Variants in MOGAT2 observed in about 807,000 individuals in gnomAD.
MOGAT2 encodes 2-acylglycerol O-acyltransferase 2.
MOGAT2 carries 27 observed loss-of-function variants against 31.5 expected under a neutral mutation model. The ratio of observed to expected loss-of-function variants is 0.86; its 90% CI spans 0.63 to 1.18. The LOEUF is 1.18. Ranked by LOEUF, MOGAT2 falls within the 50% of genes most tolerant of loss-of-function variation. MOGAT2 has a pLI of 0.00. For synonymous variants in MOGAT2, 163 were observed against 170.0 expected (o/e 0.96, Z 0.32); for missense variants, 436 against 433.2 (o/e 1.01, Z -0.06).
chr11:75,719,591 G>T, intron 1 of MOGAT2: 1 of 172,416 alleles, frequency 5.8e-6, no homozygotes, highest in Non-Finnish European at 1.2e-5. Flanking sequence ...GTCTCCCTTT[G>T]CTCTGAGATC....
rs1452409210 is a variant in MOGAT2 at position 75,731,878 on chromosome 11, T to C, written c.*592T>C. The C allele has an allele frequency of 6.6e-6, 1 of 152,554 alleles. No homozygotes were observed. Among genetic ancestry groups the C allele is most frequent in the African/African-American group, 2.4e-5 (1 of 41,460 alleles). 9.5% of individuals were successfully genotyped at this position (152,554 alleles called of 1,614,324 possible). On this transcript the variant is annotated 3_prime_UTR_variant, in exon 6 of 6. Coordinates refer to ENST00000198801, the MANE Select transcript of MOGAT2 (RefSeq NM_025098.4). ...CACCCTGGAATTCCCTGTGTGACCA[T>C]GGTACCACCACTGTGTGTCCCGAGG...
rs376470702 is a variant in MOGAT2 at position 75,731,097 on chromosome 11, T to A, written c.851-35T>A. 4.6e-4 allele frequency: 732 copies of A among 1,593,014 alleles called. 1 individual carries two copies. The highest frequency in any genetic ancestry group is 5.8e-4 in the Non-Finnish European group (678 of 1,167,676). ...GCACCTGCACCGAGGGTCCCTTGCC[T>A]ACCCTAGGCCACTGCACACCTCTAT... On this transcript the variant is annotated intron_variant, in intron 5 of 5. Transcript: ENST00000198801.
At chr11:75,725,708 G>C (rs892221406) in intron 2 of MOGAT2, among the ~76,000 whole-genome samples, 15 of 152,202 alleles carry the variant, frequency 9.9e-5, no homozygotes, top group Non-Finnish European at 2.1e-4. Context: ...GGCCTCTGCT[G>C]CTCCCCAACA....
chr11:75,725,447 C>A (rs1207896720), intron 2 of MOGAT2, among the ~76,000 whole-genome samples: 1 of 152,034 alleles, frequency 6.6e-6, no homozygotes, highest in East Asian at 1.9e-4. Flanking sequence ...GTTTGGGAGG[C>A]TGAGGCATAA....
intron 1 of MOGAT2, 113 bp from the exon 2 acceptor site, chr11:75,719,879 T>C (rs919170435): frequency 1.8e-5 from 19 of 1,039,094 alleles, no homozygotes; most frequent in Non-Finnish European, 2.7e-5. Flanking sequence ...GGCCCGAGGA[T>C]TGGACAGGAC....
At chr11:75,719,479 G>A (rs1400322140) in intron 1 of MOGAT2, 4 of 155,138 alleles carry the variant, frequency 2.6e-5, no homozygotes, top group South Asian at 2.0e-4. Context: ...TGTGCCCAAA[G>A]TTATGGGGAA....
At position 75,717,912 on chromosome 11, in the gene MOGAT2, T is replaced by C; in HGVS notation, c.24T>C (p.Phe8=). ...GCATGGTAGAGTTCGCGCCCTTGTT[T>C]ATGCCGTGGGAGCGCAGGCTGCAGA... MVEFAPL[F]MPWERRLQTL... is the part of the protein sequence containing the mutation. Residue 8 remains phenylalanine, a synonymous_variant, in exon 1 of 6, where the codon TTT becomes TTC. Coordinates refer to ENST00000198801, the MANE Select transcript of MOGAT2 (RefSeq NM_025098.4). The C allele has an allele frequency of 6.2e-7, 1 of 1,614,190 alleles. No individual in the cohort carries two copies. Among genetic ancestry groups the C allele is most frequent in the South Asian group, 1.1e-5 (1 of 91,084 alleles).
Position 75,727,569 on chromosome 11 carries a change from C to T in MOGAT2, c.405C>T (p.Ile135=). Residue 135 remains isoleucine, a synonymous_variant, in exon 3 of 6, where the codon ATC becomes ATT. Transcript: ENST00000198801. ...STGFSSIFPG[I]RPHLMMLTLW... is the part of the protein sequence containing the mutation. Reference sequence around the variant, plus strand: ...GCTTCTCTTCGATCTTCCCCGGTATCCGCCCCCATCTGATGATGCTGACCT... The same window carrying T: ...GCTTCTCTTCGATCTTCCCCGGTATTCGCCCCCATCTGATGATGCTGACCT... 6.2e-7 allele frequency: 1 copy of T among 1,614,186 alleles called. No homozygotes were observed. Among genetic ancestry groups the T allele is most frequent in the Non-Finnish European group, 8.5e-7 (1 of 1,180,026 alleles).
chr11:75,728,085 A>G lies in MOGAT2; in HGVS notation c.591A>G (p.Gly197=). The G allele has an allele frequency of 6.2e-7, 1 of 1,614,106 alleles. No homozygotes were observed. Among genetic ancestry groups the G allele is most frequent in the Non-Finnish European group, 8.5e-7 (1 of 1,180,030 alleles). Reference sequence around the variant, plus strand: ...AGGAGGCCCTGGATGCCAGGCCTGGATCCTTCACGCTGTTACTGCGGAACC... The same window carrying G: ...AGGAGGCCCTGGATGCCAGGCCTGGGTCCTTCACGCTGTTACTGCGGAACC... ...GAQEALDARP[G]SFTLLLRNRK... The change falls in exon 4 of 6, where the codon GGA becomes GGG. Residue 197 remains glycine, a synonymous_variant. Transcript: ENST00000198801.
At chr11:75,730,059 T>C (rs561889892) in intron 5 of MOGAT2, among the ~76,000 whole-genome samples, 2 of 152,306 alleles carry the variant, frequency 1.3e-5, no homozygotes, top group African/African-American at 4.8e-5. Flanking sequence ...ACAGACTTTA[T>C]AGAGAGTAGT....
Position 75,732,542 on chromosome 11 carries a change from C to A in MOGAT2, c.*1256C>A, listed in dbSNP as rs1944492187. 2 of 152,350 alleles carry A rather than the reference C, an allele frequency of 1.3e-5. No homozygotes were observed. Among genetic ancestry groups the A allele is most frequent in the Admixed American group, 1.3e-4 (2 of 15,276 alleles). 9.4% of individuals were successfully genotyped at this position (152,350 alleles called of 1,614,324 possible). A position where few individuals can be genotyped will look rare whatever the true frequency, so the allele number is the denominator to read the frequency against. Reference sequence around the variant, plus strand: ...CTCTCCAGCATCTGGCCCAGCCTGTCCATCCTCATCTCTCTTCCTCCCTTA... The same window carrying A: ...CTCTCCAGCATCTGGCCCAGCCTGTACATCCTCATCTCTCTTCCTCCCTTA... On this transcript the variant is annotated 3_prime_UTR_variant, in exon 6 of 6. Transcript: ENST00000198801.
chr11:75,729,836 C>T (rs200731621), intron 5 of MOGAT2, among the ~76,000 whole-genome samples: 2 of 151,350 alleles, frequency 1.3e-5, no homozygotes. Flanking sequence ...CCTCCACCTC[C>T]CAAGTTCAAG....
At chr11:75,722,959 G>T (rs928086694) in intron 2 of MOGAT2, among the ~76,000 whole-genome samples, 91 of 152,092 alleles carry the variant, frequency 6.0e-4, no homozygotes, top group African/African-American at 2.1e-3. Context: ...CTTTGTTTTG[G>T]TTTTGTTTTT....
At chr11:75,723,111 G>A (rs961563898) in intron 2 of MOGAT2, among the ~76,000 whole-genome samples, 6 of 151,592 alleles carry the variant, frequency 4.0e-5, no homozygotes, top group African/African-American at 4.8e-5. Context: ...ACAGGTGCCC[G>A]CCACCACTCC....
chr11:75,726,851 A>G (rs1404620884), intron 2 of MOGAT2, among the ~76,000 whole-genome samples: 1 of 151,996 alleles, frequency 6.6e-6, no homozygotes. Flanking sequence ...GGTGCCCGCC[A>G]CCACGCCCAG....
Position 75,727,608 on chromosome 11 carries a change from C to T in MOGAT2, c.444C>T (p.Ala148=), listed in dbSNP as rs1160120007. The T allele has an allele frequency of 2.5e-6, 4 of 1,614,040 alleles. No individual in the cohort carries two copies. The South Asian group carries it at 3.3e-5, about 13-fold the overall frequency. ...TGATGCTGACCTTGTGGTTCCGGGC[C>T]CCCTTCTTCAGAGATTACATCATGT... The part of the protein sequence containing the change: ...HLMMLTLWFR[A]PFFRDYIMSA... The change falls in exon 3 of 6, where the codon GCC becomes GCT. Residue 148 remains alanine (A), a synonymous_variant. Coordinates refer to ENST00000198801, the MANE Select transcript of MOGAT2 (RefSeq NM_025098.4).
intron 5 of MOGAT2, among the ~76,000 whole-genome samples, chr11:75,730,241 AG>A (rs1944463281): frequency 6.6e-6 from 1 of 152,238 alleles, no homozygotes; most frequent in Admixed American, 6.5e-5. Context: ...CCAGCCAGGC[AG>A]AACCAGAGAA....
Position 75,728,304 on chromosome 11 carries a change from C to T in MOGAT2, c.650+160C>T, listed in dbSNP as rs1455831385. ...TATTTTGGTGTCTTATGCCCAAATA[C>T]CTAGAAAAGTTTCCACAACGGAGAC... On this transcript the variant is annotated intron_variant, in intron 4 of 5. Transcript: ENST00000198801. 9 of 862,486 alleles carry T rather than the reference C, an allele frequency of 1.0e-5. No homozygotes were observed. In the Admixed American group the frequency reaches 1.8e-4, roughly 17 times the overall value. 53.4% of individuals were successfully genotyped at this position (862,486 alleles called of 1,614,324 possible).
At chr11:75,728,188 T>C in intron 4 of MOGAT2, 44 bp downstream of exon 4, 1 of 1,583,134 alleles carries the variant, frequency 6.3e-7, no homozygotes, top group Non-Finnish European at 8.6e-7. Context: ...AGTTGGCAAT[T>C]GGCAAGGATT....
Sources: gnomAD v4.1 joint callset for allele counts (sites outside exome capture counted in the v4.1 genomes callset) on GRCh38, gnomAD v4.1.1 for gene constraint, MANE v1.5 for transcripts, NCBI Gene and HGNC (gene_info 2026-07-23, HGNC 2026-07-21) for gene names.